The following THAP4 variants were observed in gnomAD, a reference collection of about 807,000 sequenced individuals.
The protein encoded by THAP4 is peroxynitrite isomerase THAP4.
In THAP4, 18 loss-of-function variants were observed where a neutral mutation model predicts 48.1. The observed-to-expected ratio is 0.37, with a 90% CI of 0.26 to 0.56. The LOEUF is 0.56. THAP4 is among the 20% of genes least tolerant of loss of function. The probability of loss-of-function intolerance (pLI) is 0.78; values close to 1 mark genes in which losing one functional copy is unlikely to be tolerated. For missense variants in THAP4, 656 were observed against 774.9 expected, an observed-to-expected ratio of 0.85 and a Z score of 1.82; for synonymous variants, 345 against 324.9, an observed-to-expected ratio of 1.06 and a Z score of -0.66.
chr2:241,631,955 A>C (rs565626496), intron 2 of THAP4, among the ~76,000 whole-genome samples: 2 of 147,128 alleles, frequency 1.4e-5, no homozygotes, highest in Admixed American at 6.7e-5. Flanking sequence ...GCTGACAAAG[A>C]GTAGTGCAGT....
At chr2:241,613,776 CA>C (rs1011855730) in intron 2 of THAP4, among the ~76,000 whole-genome samples, 10 of 151,450 alleles carry the variant, frequency 6.6e-5, no homozygotes, top group Non-Finnish European at 1.5e-4. Context: ...AAAAACAAAA[CA>C]AAAAAAAGTA....
chr2:241,591,249 G>A (rs962634961), intron 5 of THAP4, among the ~76,000 whole-genome samples: 4 of 152,218 alleles, frequency 2.6e-5, no homozygotes, highest in Non-Finnish European at 5.9e-5. Flanking sequence ...ATGGGCACTA[G>A]GACACTCAGA....
At chr2:241,637,555 G>A, upstream of THAP4, 1 of 1,479,722 alleles carries the variant, frequency 6.8e-7, no homozygotes. Context: ...CCGGCCGTAC[G>A]CCAAAATGGC....
At chr2:241,614,152 C>A (rs1402769567) in intron 2 of THAP4, among the ~76,000 whole-genome samples, 1 of 147,748 alleles carries the variant, frequency 6.8e-6, no homozygotes, top group East Asian at 2.0e-4. Context: ...GACACCCTGC[C>A]TTGAGAAAAA....
At chr2:241,636,343 G>A (rs2067654351) in intron 1 of THAP4, among the ~76,000 whole-genome samples, 1 of 152,232 alleles carries the variant, frequency 6.6e-6, no homozygotes, top group South Asian at 2.1e-4. Flanking sequence ...ACTGAAATAG[G>A]CTGAACTCAC....
intron 2 of THAP4, among the ~76,000 whole-genome samples, chr2:241,614,462 C>T (rs976283883): frequency 2.0e-5 from 3 of 152,090 alleles, no homozygotes; most frequent in East Asian, 1.9e-4. Context: ...ACGAAGATGT[C>T]GAGAGAAAGA....
chr2:241,633,250 G>C lies in THAP4; in HGVS notation c.907C>G (p.Pro303Ala), dbSNP rs1575041293. 6.2e-7 allele frequency: 1 copy of C among 1,610,714 alleles called. No individual in the cohort carries two copies. The highest frequency in any genetic ancestry group is 2.2e-5 in the East Asian group (1 of 44,834). Reference sequence around the variant, plus strand: ...GGCTTTGGGGTGACGTCGGCAGGAGGGGCAGAGGGGCTCTGGGAAGGCTTC... The same window carrying C: ...GGCTTTGGGGTGACGTCGGCAGGAGCGGCAGAGGGGCTCTGGGAAGGCTTC... ...PQKPSQSPSA[P>A]PADVTPKPAT... is the part of the protein sequence containing the mutation. The change falls in exon 2 of 6, where the codon CCT (proline) becomes GCT (alanine). Residue 303 changes from proline (P) to alanine (A), a missense_variant. Coordinates refer to ENST00000407315, the MANE Select transcript of THAP4 (RefSeq NM_015963.6). This position sits in a 1 kb window ranked among gnomAD's most constrained non-coding sequence, Gnocchi z 7.5.
rs182877327 is a variant in THAP4 at position 241,603,143 on chromosome 2, G to C, written c.1401-64C>G. The C allele has an allele frequency of 1.8e-5, 24 of 1,367,064 alleles. 1 individual carries two copies. The African/African-American group carries it at 3.1e-4, about 18-fold the overall frequency. 84.7% of individuals were successfully genotyped at this position (1,367,064 alleles called of 1,614,324 possible). On this transcript the variant is annotated intron_variant, in intron 3 of 5. Transcript: ENST00000407315. ...CCTCCAAGATGGCGTGGGCTGCGTG[G>C]ATGCCAGAACTGTCCAGGGTGCCCT...
Position 241,633,811 on chromosome 2 carries a change from A to G in THAP4, c.346T>C (p.Ser116Pro). Residue 116 changes from serine to proline, a missense_variant, in exon 2 of 6, where the codon TCG becomes CCG. Physicochemically the swap from Ser to Pro is moderately conservative, Grantham distance 74. Around this residue, in one of 4 missense-constraint regions of THAP4, gnomAD observed 391 missense variants for 412.4 expected, o/e 0.95. Transcript: ENST00000407315. The surrounding 1 kb of genome is among the most constrained non-coding windows in gnomAD (Gnocchi z 7.5). ...GCTCCTCTGCTGGTGGCGGCACTCG[A>G]GTGTCCCCTCACACCCCCTGTGGCC... ...SKATGGVRGH[S>P]SAATSRGAAG... 1.9e-6 allele frequency: 3 copies of G among 1,613,646 alleles called. No individual in the cohort carries two copies. The highest frequency in any genetic ancestry group is 2.5e-6 in the Non-Finnish European group (3 of 1,179,740).
intron 2 of THAP4, among the ~76,000 whole-genome samples, chr2:241,625,243 G>A (rs754720087): frequency 6.6e-6 from 1 of 152,138 alleles, no homozygotes; most frequent in African/African-American, 2.4e-5. Context: ...CAGAGGCCAA[G>A]CTGGGAGAAT....
At chr2:241,597,160 C>T (rs1261738660) in intron 5 of THAP4, among the ~76,000 whole-genome samples, 1 of 152,044 alleles carries the variant, frequency 6.6e-6, no homozygotes, top group Non-Finnish European at 1.5e-5. Context: ...GATGGAATTT[C>T]GCTCTTGTCG....
chr2:241,623,873 TTCTGTGGCCACA>T (rs1434866603), intron 2 of THAP4, among the ~76,000 whole-genome samples: 6 of 152,194 alleles, frequency 3.9e-5, no homozygotes, highest in African/African-American at 1.4e-4. Flanking sequence ...CTCAGGACAC[TTCTGTGGCCACA>T]TGCAGGTCTT....
intron 2 of THAP4, among the ~76,000 whole-genome samples, chr2:241,630,518 T>C (rs1323277827): frequency 9.9e-5 from 15 of 152,256 alleles, no homozygotes; most frequent in Middle Eastern, 3.4e-3. Flanking sequence ...CAAACAGCTT[T>C]AAAATTCCAA....
At chr2:241,632,140 C>T (rs2067571704) in intron 2 of THAP4, among the ~76,000 whole-genome samples, 1 of 151,458 alleles carries the variant, frequency 6.6e-6, no homozygotes, top group African/African-American at 2.4e-5. Flanking sequence ...TCACCCAGGC[C>T]AGAGTGAAGT....
intron 5 of THAP4, among the ~76,000 whole-genome samples, chr2:241,600,723 G>A (rs1439814717): frequency 6.4e-5 from 7 of 108,534 alleles, no homozygotes; most frequent in South Asian, 3.5e-4. Flanking sequence ...GTGAGACTCC[G>A]TCTCAAAAAA....
intron 5 of THAP4, among the ~76,000 whole-genome samples, chr2:241,586,262 G>GAAAA (rs11320455): frequency 4.8e-5 from 4 of 83,992 alleles, no homozygotes; most frequent in Admixed American, 1.5e-4. Context: ...ATCTGAAGAG[G>GAAAA]AAAAAAAAAA....
rs900761751 is a variant in THAP4, at chr2:241,610,329, C to A, written c.1241-3856G>T. 1.3e-5 allele frequency among the ~76,000 whole-genome samples: 2 copies of A among 152,172 alleles called. No individual in the cohort carries two copies. Among genetic ancestry groups the A allele is most frequent in the Non-Finnish European group, 2.9e-5 (2 of 68,016 alleles). ...GGCGCCGCATCTCCGCCCTCTCTTG[C>A]GCCTGCGGGACCGGGAGGGCCGCGC... On this transcript the variant is annotated intron_variant, in intron 2 of 5. Transcript: ENST00000407315. The surrounding 1 kb of genome is among the most constrained non-coding windows in gnomAD (Gnocchi z 4.2).
chr2:241,620,158 CGGTGAGTGAGG>C (rs2067406544), intron 2 of THAP4, among the ~76,000 whole-genome samples: 1 of 24,618 alleles, frequency 4.1e-5, no homozygotes, highest in Non-Finnish European at 7.2e-5. Flanking sequence ...GTGAGTGAGT[CGGTGAGTGAGG>C]GGTGAGTGAG....
chr2:241,637,513 C>G (rs1219864903), upstream of THAP4: 2 of 1,438,894 alleles, frequency 1.4e-6, no homozygotes, highest in South Asian at 2.8e-5. Context: ...GACCCCATGC[C>G]GCCCGCAGGG....
Sources: gnomAD v4.1 joint callset for allele counts (sites outside exome capture counted in the v4.1 genomes callset) on GRCh38, gnomAD v4.1.1 for gene constraint, gnomAD v4.1.1 regional missense constraint, Gnocchi (gnomAD v3.1) non-coding constraint, MANE v1.5 for transcripts, NCBI Gene and HGNC (gene_info 2026-07-23, HGNC 2026-07-21) for gene names.